The following MATN2 variants were observed in gnomAD, a reference collection of about 807,000 sequenced individuals.
The protein encoded by MATN2 is matrilin 2, also known as matrilin-2.
In MATN2, 69 loss-of-function variants were observed where a neutral mutation model predicts 103.2. That is an observed-to-expected ratio of 0.67 (90% CI 0.55 to 0.82). MATN2 has a LOEUF of 0.82. MATN2 is among the 40% of genes least tolerant of loss of function. The pLI is 0.00. For missense variants in MATN2, 1,023 were observed against 1,211.5 expected (o/e 0.84, Z 2.31); for synonymous variants, 429 against 450.2 (o/e 0.95, Z 0.60).
In MATN2 at chr8:97,931,134, G is replaced by A. The variant is rs200323821; in HGVS notation, c.324G>A (p.Glu108=). ...LLQYGSTVKN[E]FSLKTFKRKS... ...AATATGGCAGCACTGTCAAGAATGA[G>A]TTCTCCCTCAAGACCTTCAAGAGGA... The change falls in exon 3 of 19, where the codon GAG becomes GAA. Residue 108 remains glutamate (E), a synonymous_variant. Coordinates refer to ENST00000254898, the MANE Select transcript of MATN2 (RefSeq NM_002380.5). This position sits in a 1 kb window ranked among gnomAD's most constrained non-coding sequence, Gnocchi z 4.1. 6.2e-7 allele frequency: 1 copy of A among 1,614,018 alleles called. No individual in the cohort carries two copies. Among genetic ancestry groups the A allele is most frequent in the Non-Finnish European group, 8.5e-7 (1 of 1,179,878 alleles).
At position 98,007,480 on chromosome 8, in the gene MATN2, G is replaced by A; in HGVS notation, c.1452G>A (p.Arg484=). The change falls in exon 10 of 19, where the codon CGG becomes CGA. Residue 484 remains arginine (R), a splice_region_variant and synonymous_variant. Coordinates refer to ENST00000254898, the MANE Select transcript of MATN2 (RefSeq NM_002380.5). The surrounding 1 kb of genome is among the most constrained non-coding windows in gnomAD (Gnocchi z 4.2). The part of the protein sequence containing the change: ...LINEDLKTCS[R]VDYCLLSDHG... ...GCTGCCTGGCTTTTGGTTTTGCAGG[G>A]GTGGATTACTGCCTGCTGAGTGACC... The A allele has an allele frequency of 1.9e-6, 3 of 1,610,774 alleles. No individual in the cohort carries two copies. The highest frequency in any genetic ancestry group is 1.1e-5 in the South Asian group (1 of 91,032).
chr8:97,897,530 T>A (rs1818853759), intron 2 of MATN2, among the ~76,000 whole-genome samples: 1 of 152,360 alleles, frequency 6.6e-6, no homozygotes, highest in Non-Finnish European at 1.5e-5. Flanking sequence ...AGCTGGCATG[T>A]GTCTTTATCA....
chr8:97,895,000 G>A (rs966400496), intron 2 of MATN2, among the ~76,000 whole-genome samples: 5 of 152,102 alleles, frequency 3.3e-5, no homozygotes, highest in African/African-American at 4.8e-5. Flanking sequence ...GGCCTCCTGA[G>A]TAGCTGAGAT....
chr8:97,987,691 G>A (rs1198912818), intron 6 of MATN2, among the ~76,000 whole-genome samples: 1 of 152,118 alleles, frequency 6.6e-6, no homozygotes, highest in Non-Finnish European at 1.5e-5. Context: ...AAGGGACTGT[G>A]CCTCTTTGTT....
chr8:97,877,431 C>T (rs1025182082), intron 1 of MATN2, among the ~76,000 whole-genome samples: 4 of 151,614 alleles, frequency 2.6e-5, no homozygotes, highest in Admixed American at 6.6e-5. Flanking sequence ...GAGTCGAGAT[C>T]GCGCCATTGC....
chr8:97,944,408 T>A (rs936635089), intron 4 of MATN2, among the ~76,000 whole-genome samples: 4 of 152,208 alleles, frequency 2.6e-5, no homozygotes. Flanking sequence ...TTAATAAATG[T>A]GCAGTGATAA....
chr8:97,942,014 C>A lies in MATN2; in HGVS notation c.835+115C>A. The A allele has an allele frequency of 2.3e-6, 3 of 1,295,002 alleles. No individual in the cohort carries two copies. In the South Asian group the frequency reaches 4.0e-5, roughly 17 times the overall value. 80.2% of individuals were successfully genotyped at this position (1,295,002 alleles called of 1,614,324 possible). On this transcript the variant is annotated intron_variant, in intron 4 of 18. Coordinates refer to ENST00000254898, the MANE Select transcript of MATN2 (RefSeq NM_002380.5). ...ATGCCTCACCCACCCCAGTTATCAT[C>A]CCTTGGGGACAGAAATAAAGTTTGG...
intron 4 of MATN2, among the ~76,000 whole-genome samples, chr8:97,946,687 T>C (rs577429025): frequency 6.6e-6 from 1 of 152,340 alleles, no homozygotes; most frequent in South Asian, 2.1e-4. Context: ...TGGAAGCTGA[T>C]GATAATGCAG....
At chr8:97,943,702 G>T (rs2130191039) in intron 4 of MATN2, among the ~76,000 whole-genome samples, 1 of 152,150 alleles carries the variant, frequency 6.6e-6, no homozygotes, top group African/African-American at 2.4e-5. Context: ...TGCTCCATCT[G>T]CCTCAACCCC....
intron 4 of MATN2, among the ~76,000 whole-genome samples, chr8:97,961,191 G>T (rs2130256970): frequency 6.6e-6 from 1 of 152,192 alleles, no homozygotes; most frequent in African/African-American, 2.4e-5. Flanking sequence ...GTTGCCTCTG[G>T]GTAGTAGGAT....
intron 2 of MATN2, among the ~76,000 whole-genome samples, chr8:97,917,328 AG>A (rs1809665796): frequency 2.0e-5 from 3 of 152,182 alleles, no homozygotes; most frequent in South Asian, 4.1e-4. Flanking sequence ...AGCTTGTTCA[AG>A]GGTACGCAGA....
intron 4 of MATN2, among the ~76,000 whole-genome samples, chr8:97,956,551 T>A (rs1262044361): frequency 6.6e-6 from 1 of 152,230 alleles, no homozygotes; most frequent in East Asian, 1.9e-4. Context: ...GCTCTTGGTT[T>A]GTCAGGTCAT....
chr8:97,947,033 C>G (rs1366944940), intron 4 of MATN2, among the ~76,000 whole-genome samples: 2 of 152,076 alleles, frequency 1.3e-5, no homozygotes, highest in African/African-American at 2.4e-5. Context: ...GGAGTTTATT[C>G]CAAGAATGCA....
chr8:97,970,417 C>G (rs769958166), intron 5 of MATN2, among the ~76,000 whole-genome samples: 2 of 152,196 alleles, frequency 1.3e-5, no homozygotes, highest in Non-Finnish European at 2.9e-5. Context: ...TCCTACCTCA[C>G]AGCTACTAGT....
At chr8:97,963,047 A>G (rs961345409) in intron 5 of MATN2, among the ~76,000 whole-genome samples, 3 of 152,196 alleles carry the variant, frequency 2.0e-5, no homozygotes, top group Non-Finnish European at 4.4e-5. Context: ...AGGAAGAAGA[A>G]TCACTTGACC....
chr8:98,002,364 T>G (rs1812818005), intron 7 of MATN2, among the ~76,000 whole-genome samples: 1 of 152,084 alleles, frequency 6.6e-6, no homozygotes, highest in Non-Finnish European at 1.5e-5. Context: ...AGGCGAAGCA[T>G]TTAGATCCTT....
intron 2 of MATN2, among the ~76,000 whole-genome samples, chr8:97,895,194 T>C (rs1304962887): frequency 6.6e-6 from 1 of 152,126 alleles, no homozygotes; most frequent in African/African-American, 2.4e-5. Context: ...TTTTAAGGCT[T>C]AGCTGCCACT....
chr8:97,912,399 C>T (rs557041795), intron 2 of MATN2, among the ~76,000 whole-genome samples: 5 of 152,294 alleles, frequency 3.3e-5, no homozygotes, highest in South Asian at 2.1e-4. Context: ...ACGGAGTCAG[C>T]GAGAGCAGCT....
At chr8:97,870,492 T>C (rs567937977) in intron 1 of MATN2, among the ~76,000 whole-genome samples, 1 of 151,394 alleles carries the variant, frequency 6.6e-6, no homozygotes, top group African/African-American at 2.4e-5. Context: ...CACTCCAGCC[T>C]GGGCAACAAG....
Sources: gnomAD v4.1 joint callset for allele counts (sites outside exome capture counted in the v4.1 genomes callset) on GRCh38, gnomAD v4.1.1 for gene constraint, Gnocchi (gnomAD v3.1) non-coding constraint, MANE v1.5 for transcripts, NCBI Gene and HGNC (gene_info 2026-07-23, HGNC 2026-07-21) for gene names.